Variants in IFT43 observed in about 807,000 individuals in gnomAD.
IFT43 encodes the protein intraflagellar transport protein 43 homolog.
Under a neutral mutation model 32.3 loss-of-function variants are expected in IFT43, and 33 were observed. The observed-to-expected ratio is 1.02, with a 90% CI of 0.77 to 1.37. The LOEUF is 1.37. Ranked by LOEUF, IFT43 falls within the 40% of genes most tolerant of loss-of-function variation. IFT43 has a pLI of 0.00. For synonymous variants in IFT43, 93 were observed against 98.2 expected (o/e 0.95, Z 0.31); for missense variants, 274 against 265.9 (o/e 1.03, Z -0.21).
intron 5 of IFT43, among the ~76,000 whole-genome samples, chr14:76,069,131 C>T (rs750529835): frequency 6.6e-6 from 1 of 152,114 alleles, no homozygotes; most frequent in Non-Finnish European, 1.5e-5. Flanking sequence ...GGGGAGGCCT[C>T]AGGAAGCTTC....
intron 5 of IFT43, among the ~76,000 whole-genome samples, chr14:76,061,088 G>T (rs2037126109): frequency 6.6e-6 from 1 of 152,026 alleles, no homozygotes; most frequent in Admixed American, 6.6e-5. Context: ...TTTTAGTAGA[G>T]ACAGAGTTTT....
chr14:76,047,660 G>A (rs1241927354), intron 3 of IFT43, among the ~76,000 whole-genome samples: 1 of 151,868 alleles, frequency 6.6e-6, no homozygotes, highest in Non-Finnish European at 1.5e-5. Context: ...ATTGAAAAAG[G>A]GAAGAGGCAG....
intron 2 of IFT43, among the ~76,000 whole-genome samples, chr14:75,997,966 A>C (rs553185739): frequency 6.6e-6 from 1 of 152,312 alleles, no homozygotes; most frequent in Non-Finnish European, 1.5e-5. Flanking sequence ...ACAAAACAAA[A>C]CAAAACAAAA....
At chr14:75,992,638 C>T (rs941010672) in intron 2 of IFT43, among the ~76,000 whole-genome samples, 1 of 152,102 alleles carries the variant, frequency 6.6e-6, no homozygotes, top group South Asian at 2.1e-4. Context: ...CTTGAACTCC[C>T]GGGCTCAAGC....
intron 5 of IFT43, among the ~76,000 whole-genome samples, chr14:76,072,831 A>G (rs1212875381): frequency 6.6e-6 from 1 of 152,218 alleles, no homozygotes; most frequent in Non-Finnish European, 1.5e-5. Context: ...TACAGAAGAC[A>G]GGATCAGGAT....
intron 2 of IFT43, among the ~76,000 whole-genome samples, chr14:76,018,197 T>G (rs1336519067): frequency 1.3e-5 from 2 of 152,032 alleles, no homozygotes; most frequent in African/African-American, 4.8e-5. Context: ...TTGCTATACT[T>G]CCCTCTTGGC....
At chr14:76,046,694 T>C (rs1043554621) in intron 3 of IFT43, among the ~76,000 whole-genome samples, 3 of 152,220 alleles carry the variant, frequency 2.0e-5, no homozygotes, top group African/African-American at 7.2e-5. Flanking sequence ...TTAACTTACT[T>C]GATTCTTAGA....
intron 5 of IFT43, among the ~76,000 whole-genome samples, chr14:76,075,306 A>G (rs2037393161): frequency 6.6e-6 from 1 of 152,210 alleles, no homozygotes; most frequent in Non-Finnish European, 1.5e-5. Flanking sequence ...CACAAGGGAC[A>G]CATCTTCATA....
rs553890927 is a variant in IFT43 at position 76,053,276 on chromosome 14, G to T, written c.216-5366G>T. ...GTCATCCTTCTTAGGGCAGGTTTGT[G>T]GGGGAAGGGACAGCACAAAGGAAGG... On this transcript the variant is annotated intron_variant, in intron 3 of 8. Transcript: ENST00000314067. 3.9e-5 allele frequency among the ~76,000 whole-genome samples: 6 copies of T among 152,230 alleles called. No homozygotes were observed. The East Asian group carries it at 1.2e-3, about 29-fold the overall frequency.
At chr14:76,025,243 G>A (rs1375949041) in intron 3 of IFT43, among the ~76,000 whole-genome samples, 1 of 152,042 alleles carries the variant, frequency 6.6e-6, no homozygotes, top group Non-Finnish European at 1.5e-5. Context: ...ATCTCTATGA[G>A]GAGAACTACA....
At chr14:76,037,307 A>G (rs1025756985) in intron 3 of IFT43, among the ~76,000 whole-genome samples, 2 of 152,138 alleles carry the variant, frequency 1.3e-5, no homozygotes, top group African/African-American at 2.4e-5. Context: ...CGGTCATTCC[A>G]CTTTCAGCCT....
rs368479113 is a variant in IFT43 at position 76,052,787 on chromosome 14, G to A, written c.216-5855G>A. On this transcript the variant is annotated intron_variant, in intron 3 of 8. Coordinates refer to ENST00000314067, the MANE Select transcript of IFT43 (RefSeq NM_001102564.3). ...TTTTTGCCATGATGCACACTGTTGC[G>A]TTGTAAATAAAACATATAATAAATC... 1.3e-3 allele frequency among the ~76,000 whole-genome samples: 195 copies of A among 152,312 alleles called. 5 individuals are homozygous for A. In the South Asian group the frequency reaches 0.036, roughly 28 times the overall value.
At chr14:75,998,291 T>A (rs923917049) in intron 2 of IFT43, among the ~76,000 whole-genome samples, 2 of 152,166 alleles carry the variant, frequency 1.3e-5, no homozygotes, top group African/African-American at 4.8e-5. Flanking sequence ...GGATGATGTA[T>A]TCAACCTGCA....
chr14:76,025,289 A>G (rs895165259), intron 3 of IFT43, among the ~76,000 whole-genome samples: 11 of 152,148 alleles, frequency 7.2e-5, no homozygotes, highest in African/African-American at 2.7e-4. Context: ...TGATACAAAC[A>G]AATGGAGGAA....
In IFT43 at chr14:76,082,392, G is replaced by A. The variant is rs927036674; in HGVS notation, c.368+25G>A. ...GGTAGGTTAAATCAGATATGATTGG[G>A]GAGGCAAAGAACACGTGAATTAATA... is the stretch of plus-strand genomic sequence containing the variant. On this transcript the variant is annotated intron_variant, in intron 6 of 8. Coordinates refer to ENST00000314067, the MANE Select transcript of IFT43 (RefSeq NM_001102564.3). 4 of 1,444,908 alleles carry A rather than the reference G, an allele frequency of 2.8e-6. No homozygotes were observed. The African/African-American group carries it at 5.6e-5, about 20-fold the overall frequency. The allele number at this position is 1,444,908 out of a possible 1,614,324, so 89.5% of individuals were successfully genotyped here.
chr14:76,050,464 G>A (rs948517201), intron 3 of IFT43, among the ~76,000 whole-genome samples: 21 of 151,958 alleles, frequency 1.4e-4, no homozygotes, highest in African/African-American at 4.8e-4. Context: ...GATGTGGTGG[G>A]AGTCTTTTGT....
chr14:76,075,369 C>T (rs763107087), intron 5 of IFT43, among the ~76,000 whole-genome samples: 3 of 151,958 alleles, frequency 2.0e-5, no homozygotes, highest in Admixed American at 6.5e-5. Flanking sequence ...TCCCCTGATT[C>T]GAGGAGTGCA....
chr14:76,078,768 A>G (rs1594868326), intron 5 of IFT43, among the ~76,000 whole-genome samples: 1 of 152,218 alleles, frequency 6.6e-6, no homozygotes, highest in African/African-American at 2.4e-5. Flanking sequence ...ACCGGCTCCC[A>G]TGGTGCCGGG....
chr14:76,022,587 A>G (rs2036313973), intron 3 of IFT43, 193 bp downstream of exon 3: 6 of 435,680 alleles, frequency 1.4e-5, no homozygotes, highest in Non-Finnish European at 2.5e-5. Flanking sequence ...TAACACAATC[A>G]ATTTTACAAC....
Sources: allele counts gnomAD v4.1 joint callset (sites outside exome capture counted in the v4.1 genomes callset), GRCh38; gene constraint gnomAD v4.1.1; transcripts MANE v1.5; gene names NCBI Gene and HGNC (gene_info 2026-07-23, HGNC 2026-07-21).